APMAP: variants seen among roughly 807,000 people sequenced by gnomAD.
The protein encoded by APMAP is adipocyte plasma membrane-associated protein.
A neutral mutation model predicts 43.6 loss-of-function variants in APMAP; 33 were observed. That is an observed-to-expected ratio of 0.76 (90% CI 0.57 to 1.01). The LOEUF (loss-of-function observed/expected upper bound fraction) is 1.01. Ranked by LOEUF, APMAP falls within the 50% of genes least tolerant of loss-of-function variation. The probability of loss-of-function intolerance (pLI) is 0.00; values close to 1 mark genes in which losing one functional copy is unlikely to be tolerated. For missense variants in APMAP, 498 were observed against 540.7 expected (o/e 0.92, Z 0.78); for synonymous variants, 224 against 216.7 (o/e 1.03, Z -0.30).
chr20:24,981,705 C>T (rs2088105945), intron 2 of APMAP, among the ~76,000 whole-genome samples: 1 of 152,242 alleles, frequency 6.6e-6, no homozygotes, highest in African/African-American at 2.4e-5. Context: ...AGTAGAATTA[C>T]TCTTTCTGTT....
rs754035209 is a variant in APMAP, at chr20:24,978,738, G to GCCCC, written c.328+28_328+29insGGGG. The GCCCC allele has an allele frequency of 1.2e-4, 155 of 1,310,738 alleles. 1 individual carries two copies. The highest frequency in any genetic ancestry group is 4.9e-4 in the Admixed American group (27 of 55,316). 81.2% of individuals were successfully genotyped at this position (1,310,738 alleles called of 1,614,324 possible). ...CCTCAGACAACAGACAGCCTGGAAG[G>GCCCC]CTCCCCCCCCACCCAAGCTTAGACT... is the stretch of plus-strand genomic sequence containing the variant. On this transcript the variant is annotated intron_variant, in intron 3 of 8. Transcript: ENST00000217456.
intron 3 of APMAP, among the ~76,000 whole-genome samples, chr20:24,976,474 A>C (rs959998043): frequency 6.6e-5 from 10 of 152,320 alleles, no homozygotes; most frequent in African/African-American, 2.4e-4. Flanking sequence ...GAGAAATGCA[A>C]ATTAAAACAA....
intron 2 of APMAP, among the ~76,000 whole-genome samples, chr20:24,980,551 C>T (rs1245440675): frequency 6.7e-6 from 1 of 149,220 alleles, no homozygotes; most frequent in Admixed American, 6.7e-5. Context: ...GGCTATGCCA[C>T]GATGACAAAA....
chr20:24,969,121 C>A lies in APMAP; in HGVS notation c.849-37G>T, dbSNP rs751519607. On this transcript the variant is annotated intron_variant, in intron 7 of 8. Coordinates refer to ENST00000217456, the MANE Select transcript of APMAP (RefSeq NM_020531.3). ...ACCCAAGCAGAGAGTGAACCATAGC[C>A]CCTCAATTTCAGAAAAAAAATTTTA... 9.4e-5 allele frequency: 143 copies of A among 1,523,282 alleles called. 1 individual carries two copies. Among genetic ancestry groups the A allele is most frequent in the Non-Finnish European group, 1.2e-4 (136 of 1,135,052 alleles). The allele number at this position is 1,523,282 out of a possible 1,614,324, so 94.4% of individuals were successfully genotyped here.
rs1371003014 is a variant in APMAP, at chr20:24,968,973, C to T, written c.960G>A (p.Met320Ile). 2 of 1,614,024 alleles carry T rather than the reference C, an allele frequency of 1.2e-6. No individual in the cohort carries two copies. The highest frequency in any genetic ancestry group is 4.5e-5 in the East Asian group (2 of 44,868). ...PSSSGGYWVG[M>I]STIRPNPGFS... The stretch of plus-strand genomic sequence containing the variant: ...ACCCAGGGTTAGGGCGGATGGTCGA[C>T]ATGCCCACCCAGTACCCCCCAGAGC... Residue 320 changes from methionine to isoleucine, a missense_variant, in exon 8 of 9, where the codon ATG (methionine) becomes ATA (isoleucine). By Grantham distance (10) the Met-to-Ile change is conservative. Transcript: ENST00000217456.
At position 24,992,649 on chromosome 20, in the gene APMAP, G is replaced by A. The variant is rs866233966; in HGVS notation, c.40C>T (p.Arg14Trp). 2 of 1,561,176 alleles carry A rather than the reference G, an allele frequency of 1.3e-6. No homozygotes were observed. Among genetic ancestry groups the A allele is most frequent in the Admixed American group, 1.8e-5 (1 of 54,650 alleles). ...TCATCGTCTGTGACGACCTGCGGCC[G>A]CAGGGGCCGGCGCTGTCGCAGCCCG... ...ADGLRQRRPL[R>W]PQVVTDDDGQ... Residue 14 changes from arginine to tryptophan, a missense_variant, in exon 1 of 9, where the codon CGG becomes TGG. Arg to Trp is a moderately radical substitution (Grantham distance 101, BLOSUM62 -3). Transcript: ENST00000217456.
At chr20:24,990,841 A>G (rs1293367443) in intron 1 of APMAP, among the ~76,000 whole-genome samples, 5 of 152,242 alleles carry the variant, frequency 3.3e-5, no homozygotes, top group Admixed American at 2.0e-4. Flanking sequence ...ACAAGACCTC[A>G]CTTTGAAAGA....
chr20:24,982,194 G>A (rs1253782565), intron 2 of APMAP, among the ~76,000 whole-genome samples: 1 of 151,630 alleles, frequency 6.6e-6, no homozygotes, highest in Non-Finnish European at 1.5e-5. Flanking sequence ...CCAGGAGAGA[G>A]AGAGAGACCC....
At chr20:24,977,923 A>G (rs2088064251) in intron 3 of APMAP, among the ~76,000 whole-genome samples, 1 of 152,208 alleles carries the variant, frequency 6.6e-6, no homozygotes, top group African/African-American at 2.4e-5. Context: ...GCAGAAATGG[A>G]CCAGTCCTTG....
chr20:24,989,909 G>C lies in APMAP; in HGVS notation c.95+2685C>G, dbSNP rs2088177837. 2.0e-5 allele frequency among the ~76,000 whole-genome samples: 3 copies of C among 152,132 alleles called. No homozygotes were observed. The South Asian group carries it at 6.2e-4, about 32-fold the overall frequency. On this transcript the variant is annotated intron_variant, in intron 1 of 8. Transcript: ENST00000217456. ...AGGAAAAAGGAAAATGGACCTAGCA[G>C]ACTTTTAATTAAACTAAAATCCTTC...
intron 8 of APMAP, 75 bp from the exon 9 acceptor site, chr20:24,964,097 C>T: frequency 6.8e-7 from 1 of 1,470,096 alleles, no homozygotes; most frequent in Admixed American, 1.7e-5. Flanking sequence ...CGTGCCGCCC[C>T]CACCATCCAG....
chr20:24,982,198 G>A (rs2088110357), intron 2 of APMAP, among the ~76,000 whole-genome samples: 1 of 149,060 alleles, frequency 6.7e-6, no homozygotes, highest in Non-Finnish European at 1.5e-5. Flanking sequence ...GAGAGAGAGA[G>A]AGACCCGTTG....
Position 24,963,701 on chromosome 20 carries a change from G to C in APMAP, c.*112C>G. On this transcript the variant is annotated 3_prime_UTR_variant, in exon 9 of 9. Transcript: ENST00000217456. ...CCCACCACCTCTCAGGGACTAACAG[G>C]TGCATGTGGACACTTGAACCACGAC... The C allele has an allele frequency of 9.0e-7, 1 of 1,107,824 alleles. No homozygotes were observed. Among genetic ancestry groups the C allele is most frequent in the Non-Finnish European group, 1.3e-6 (1 of 753,044 alleles). The allele number at this position is 1,107,824 out of a possible 1,614,324, so 68.6% of individuals were successfully genotyped here.
chr20:24,983,950 A>G lies in APMAP; in HGVS notation c.165T>C (p.Leu55=). ...MLAVSLTVPL[L]GAMMLLESPI... ...GAGATTCCAGCAGCATCATGGCTCCAAGCAGGGGAACGGTGAGAGAAACAG... is the reference window on the plus strand; with the variant it reads ...GAGATTCCAGCAGCATCATGGCTCCGAGCAGGGGAACGGTGAGAGAAACAG... Residue 55 remains leucine, a synonymous_variant, in exon 2 of 9, where the codon CTT becomes CTC. Transcript: ENST00000217456. 1 of 1,614,076 alleles carries G rather than the reference A, an allele frequency of 6.2e-7. No individual in the cohort carries two copies. Among genetic ancestry groups the G allele is most frequent in the South Asian group, 1.1e-5 (1 of 91,070 alleles).
chr20:24,965,843 T>C (rs992210244), intron 8 of APMAP, among the ~76,000 whole-genome samples: 3 of 152,190 alleles, frequency 2.0e-5, no homozygotes, highest in East Asian at 1.9e-4. Context: ...TCCAGGTTTC[T>C]CACTGTTGGA....
At chr20:24,970,831 T>C (rs2087992387) in intron 5 of APMAP, among the ~76,000 whole-genome samples, 1 of 152,216 alleles carries the variant, frequency 6.6e-6, no homozygotes, top group African/African-American at 2.4e-5. Context: ...GCAGGGCTAC[T>C]ATGACCCCAA....
intron 3 of APMAP, among the ~76,000 whole-genome samples, chr20:24,977,857 A>G (rs1224562788): frequency 1.3e-5 from 2 of 152,244 alleles, no homozygotes; most frequent in African/African-American, 4.8e-5. Flanking sequence ...TTCTATCATG[A>G]TATTTACTCT....
intron 8 of APMAP, among the ~76,000 whole-genome samples, chr20:24,968,599 G>T (rs1037902079): frequency 2.1e-5 from 3 of 143,764 alleles, no homozygotes; most frequent in African/African-American, 7.5e-5. Flanking sequence ...CGATGGTGAG[G>T]GTGGCAATCA....
intron 8 of APMAP, among the ~76,000 whole-genome samples, chr20:24,965,586 G>A (rs1167804741): frequency 6.6e-6 from 1 of 152,236 alleles, no homozygotes; most frequent in Non-Finnish European, 1.5e-5. Context: ...TGTCCCCACA[G>A]TGAGGCCCAG....
Sources: allele counts gnomAD v4.1 joint callset (sites outside exome capture counted in the v4.1 genomes callset), GRCh38; gene constraint gnomAD v4.1.1; transcripts MANE v1.5; gene names NCBI Gene and HGNC (gene_info 2026-07-23, HGNC 2026-07-21).